Variants in ORC4 observed in about 807,000 individuals in gnomAD.
ORC4 encodes the protein origin recognition complex subunit 4, also known as origin recognition complex, subunit 4 homolog.
In ORC4, 55 loss-of-function variants were observed where a neutral mutation model predicts 63.9. The observed-to-expected ratio is 0.86, with a 90% CI of 0.69 to 1.08. The LOEUF is 1.08. Among genes scored for constraint, ORC4 ranks in the 50% least tolerant of loss-of-function variants. The pLI, the probability that ORC4 is intolerant of heterozygous loss-of-function variation, is 0.00. For missense variants in ORC4, 511 were observed against 504.4 expected (o/e 1.01, Z -0.13); for synonymous variants, 150 against 168.5 (o/e 0.89, Z 0.85).
At chr2:147,939,808 C>CT (rs1282597828) in intron 10 of ORC4, among the ~76,000 whole-genome samples, 1 of 152,126 alleles carries the variant, frequency 6.6e-6, no homozygotes, top group Admixed American at 6.6e-5. Flanking sequence ...AACAGAGGTC[C>CT]TGGACCAGAG....
intron 1 of ORC4, among the ~76,000 whole-genome samples, chr2:147,996,226 C>T (rs1022359795): frequency 2.6e-5 from 4 of 152,100 alleles, no homozygotes; most frequent in Non-Finnish European, 2.9e-5. Flanking sequence ...ACCACTTGAA[C>T]CCGGGAGGTG....
chr2:148,007,378 T>C (rs1035930284), intron 1 of ORC4, among the ~76,000 whole-genome samples: 11 of 152,134 alleles, frequency 7.2e-5, no homozygotes, highest in African/African-American at 2.2e-4. Context: ...TTCAGAATTA[T>C]ATCAGAGAAA....
intron 4 of ORC4, among the ~76,000 whole-genome samples, chr2:147,964,874 T>C (rs1689809591): frequency 6.6e-6 from 1 of 152,160 alleles, no homozygotes; most frequent in Non-Finnish European, 1.5e-5. Context: ...AGCAGATTTC[T>C]TAAGAGAAAC....
At chr2:147,963,008 A>C (rs1233359194) in intron 4 of ORC4, among the ~76,000 whole-genome samples, 1 of 151,974 alleles carries the variant, frequency 6.6e-6, no homozygotes, top group African/African-American at 2.4e-5. Flanking sequence ...CCCTGTGAAC[A>C]CATACTAGGC....
chr2:147,960,078 ATG>A (rs1486281451), intron 4 of ORC4, among the ~76,000 whole-genome samples: 2 of 151,994 alleles, frequency 1.3e-5, no homozygotes, highest in African/African-American at 4.8e-5. Context: ...TTCCTAGGTT[ATG>A]ATTTTGTTTT....
intron 1 of ORC4, among the ~76,000 whole-genome samples, chr2:148,015,037 G>A (rs1214924120): frequency 6.6e-6 from 1 of 151,130 alleles, no homozygotes; most frequent in East Asian, 2.0e-4. Flanking sequence ...TAATCTCGAT[G>A]AATACAGGGC....
rs962978179 is a variant in ORC4 at position 147,934,604 on chromosome 2, G to A, written c.*906C>T. 6.6e-6 allele frequency: 1 copy of A among 152,028 alleles called. No individual in the cohort carries two copies. Among genetic ancestry groups the A allele is most frequent in the Non-Finnish European group, 1.5e-5 (1 of 68,012 alleles). The allele number at this position is 152,028 out of a possible 1,614,324, so 9.4% of individuals were successfully genotyped here. On this transcript the variant is annotated 3_prime_UTR_variant, in exon 14 of 14. Coordinates refer to ENST00000392857, the MANE Select transcript of ORC4 (RefSeq NM_181741.4). ...AGAGTATACTTACACAGACCCTGAT[G>A]ATATGTATATAGCCTGTTACACACT...
At chr2:147,940,604 T>C (rs926875528) in intron 10 of ORC4, among the ~76,000 whole-genome samples, 1 of 151,856 alleles carries the variant, frequency 6.6e-6, no homozygotes, top group Non-Finnish European at 1.5e-5. Flanking sequence ...AAAGAAACTG[T>C]GGTATATATA....
intron 4 of ORC4, among the ~76,000 whole-genome samples, chr2:147,970,742 G>GA (rs1431642392): frequency 2.6e-5 from 4 of 151,974 alleles, no homozygotes; most frequent in Non-Finnish European, 4.4e-5. Context: ...AGATACATAG[G>GA]AAAAAATCTA....
chr2:147,983,453 A>G (rs1691007335), intron 1 of ORC4, among the ~76,000 whole-genome samples: 1 of 152,192 alleles, frequency 6.6e-6, no homozygotes, highest in South Asian at 2.1e-4. Context: ...CCAGAATCCC[A>G]TGAGTTCAAC....
intron 10 of ORC4, among the ~76,000 whole-genome samples, chr2:147,940,791 A>G (rs1277345469): frequency 6.6e-6 from 1 of 152,116 alleles, no homozygotes; most frequent in Non-Finnish European, 1.5e-5. Context: ...TCTCACTGAT[A>G]TGATATGTGG....
intron 9 of ORC4, among the ~76,000 whole-genome samples, chr2:147,945,023 T>G (rs530347485): frequency 1.3e-4 from 20 of 152,066 alleles, no homozygotes; most frequent in Admixed American, 2.6e-4. Flanking sequence ...AAAAAAAATT[T>G]GTTTAGCTTT....
intron 1 of ORC4, 137 bp downstream of exon 1, chr2:148,020,496 G>GC (rs1033588700): frequency 2.0e-5 from 3 of 152,200 alleles, no homozygotes; most frequent in Non-Finnish European, 4.4e-5. Context: ...ATACAAGCCT[G>GC]CCCCCTTCCC....
chr2:147,979,252 A>G (rs1458256941), intron 1 of ORC4, among the ~76,000 whole-genome samples: 1 of 152,356 alleles, frequency 6.6e-6, no homozygotes, highest in East Asian at 1.9e-4. Context: ...TAATACATAC[A>G]GTAAAGTGGC....
intron 6 of ORC4, among the ~76,000 whole-genome samples, chr2:147,955,810 TTGCAAG>T (rs1408041311): frequency 6.6e-6 from 1 of 152,008 alleles, no homozygotes; most frequent in East Asian, 1.9e-4. Flanking sequence ...CAATGGGGTC[TTGCAAG>T]TCTCTAATTT....
intron 1 of ORC4, among the ~76,000 whole-genome samples, chr2:147,993,320 C>T (rs1291067954): frequency 6.6e-6 from 1 of 151,830 alleles, no homozygotes; most frequent in Non-Finnish European, 1.5e-5. Flanking sequence ...TGCTACAACT[C>T]CAGTAAGTTA....
At chr2:147,968,376 T>C (rs574642360) in intron 4 of ORC4, among the ~76,000 whole-genome samples, 84 of 152,018 alleles carry the variant, frequency 5.5e-4, no homozygotes, top group African/African-American at 1.9e-3. Context: ...TAAATGAAAA[T>C]ATCTGCAAAG....
Position 147,945,887 on chromosome 2 carries a change from G to C in ORC4, c.762+2164C>G, listed in dbSNP as rs115791382. On this transcript the variant is annotated intron_variant, in intron 9 of 13. Coordinates refer to ENST00000392857, the MANE Select transcript of ORC4 (RefSeq NM_181741.4). ...ACCATGGTGCTGACAGATTTTTCAA[G>C]TGAAGCTCATTTTATTCACATACCA... Among the ~76,000 whole-genome samples, 813 of 152,180 alleles carry C rather than the reference G, an allele frequency of 5.3e-3. 14 individuals carry two copies. The highest frequency in any genetic ancestry group is 0.019 in the African/African-American group (781 of 41,540).
rs955765375 is a variant in ORC4 at position 147,931,921 on chromosome 2, A to G, written c.*3589T>C. 6.6e-5 allele frequency: 10 copies of G among 150,946 alleles called. No homozygotes were observed. The highest frequency in any genetic ancestry group is 4.6e-4 in the Admixed American group (7 of 15,178). 9.4% of individuals were successfully genotyped at this position (150,946 alleles called of 1,614,324 possible). A position where few individuals can be genotyped will look rare whatever the true frequency, so the allele number is the denominator to read the frequency against. ...CAAGACAGGGATGCCCTCTCTCACC[A>G]CTCGTATTCAACATAGTGTTGGAAG... On this transcript the variant is annotated 3_prime_UTR_variant, in exon 14 of 14. Transcript: ENST00000392857.
Sources: gnomAD v4.1 joint callset for allele counts (sites outside exome capture counted in the v4.1 genomes callset) on GRCh38, gnomAD v4.1.1 for gene constraint, MANE v1.5 for transcripts, NCBI Gene and HGNC (gene_info 2026-07-23, HGNC 2026-07-21) for gene names.